FBLN2: variants seen among roughly 807,000 people sequenced by gnomAD.
FBLN2 encodes the protein fibulin-2.
Under a neutral mutation model 123.7 loss-of-function variants are expected in FBLN2, and 81 were observed. The observed-to-expected ratio is 0.65, with a 90% CI of 0.55 to 0.79. FBLN2 has a LOEUF of 0.79. Among genes scored for constraint, FBLN2 ranks in the 30% least tolerant of loss-of-function variants. The pLI, the probability that FBLN2 is intolerant of heterozygous loss-of-function variation, is 0.00. For missense variants in FBLN2, 1,603 were observed against 1,681.3 expected (o/e 0.95, Z 0.81); for synonymous variants, 699 against 701.4 (o/e 1.00, Z 0.05).
At chr3:13,631,731 G>A (rs1427275967) in intron 16 of FBLN2, among the ~76,000 whole-genome samples, 1 of 152,196 alleles carries the variant, frequency 6.6e-6, no homozygotes. Flanking sequence ...AGATACTATG[G>A]GGTGTTTCTA....
intron 1 of FBLN2, chr3:13,569,081 G>A: frequency 1.0e-6 from 1 of 984,988 alleles, no homozygotes; most frequent in Non-Finnish European, 1.2e-6. Context: ...TAAGAGTCAG[G>A]TACGGCCACT....
intron 2 of FBLN2, among the ~76,000 whole-genome samples, chr3:13,589,234 T>C (rs1275748173): frequency 6.6e-6 from 1 of 152,094 alleles, no homozygotes; most frequent in African/African-American, 2.4e-5. Context: ...AAATAACCCA[T>C]GAAAATGCGG....
intron 2 of FBLN2, among the ~76,000 whole-genome samples, chr3:13,587,735 A>C (rs1320968570): frequency 6.6e-6 from 1 of 152,220 alleles, no homozygotes; most frequent in East Asian, 1.9e-4. Flanking sequence ...CTGCATGATA[A>C]AACTACACCA....
chr3:13,601,236 C>G (rs936522762), intron 2 of FBLN2, among the ~76,000 whole-genome samples: 20 of 152,232 alleles, frequency 1.3e-4, no homozygotes, highest in African/African-American at 4.1e-4. Context: ...GGACCATAAT[C>G]TCTGTAAGGC....
rs768771749 is a variant in FBLN2 at position 13,618,909 on chromosome 3, C to T, written c.1945C>T (p.His649Tyr). ...CTCTGCTCTACCCATGACAGAGGGT[C>T]ACCCTCCACAGCCGGAAGCCCCACA... ...DDGRTCRPEG[H>Y]PPQPEAPQEP... The change falls in exon 7 of 18, where the codon CAC becomes TAC. Residue 649 changes from histidine (H) to tyrosine (Y), a missense_variant. Transcript: ENST00000404922. The T allele has an allele frequency of 5.0e-6, 8 of 1,611,934 alleles. No homozygotes were observed. Among genetic ancestry groups the T allele is most frequent in the South Asian group, 1.1e-5 (1 of 90,538 alleles).
chr3:13,638,331 A>G lies in FBLN2; in HGVS notation c.*412A>G. On this transcript the variant is annotated 3_prime_UTR_variant, in exon 18 of 18. Transcript: ENST00000404922. ...TCATTTTAAAGTTTTTTGTTTAACT[A>G]TAAAGTAGTACATGTACATTATATA... 1 of 405,664 alleles carries G rather than the reference A, an allele frequency of 2.5e-6. No homozygotes were observed. The allele number at this position is 405,664 out of a possible 1,614,324, so 25.1% of individuals were successfully genotyped here.
At chr3:13,621,647 G>T in intron 8 of FBLN2, 128 bp from the exon 9 acceptor site, 1 of 947,578 alleles carries the variant, frequency 1.1e-6, no homozygotes, top group Non-Finnish European at 1.6e-6. Flanking sequence ...GCTACACACA[G>T]TCAGGCGGGG....
chr3:13,549,902 C>T (rs1452649452), intron 1 of FBLN2, among the ~76,000 whole-genome samples: 1 of 152,192 alleles, frequency 6.6e-6, no homozygotes, highest in African/African-American at 2.4e-5. Context: ...GGCACCCCTC[C>T]GAGGCATGCC....
At chr3:13,611,107 A>G (rs1483697786) in intron 4 of FBLN2, among the ~76,000 whole-genome samples, 1 of 151,826 alleles carries the variant, frequency 6.6e-6, no homozygotes. Flanking sequence ...ATACGCCACC[A>G]TGCTTGGTTT....
At chr3:13,602,910 C>CTTTT (rs199820446) in intron 2 of FBLN2, among the ~76,000 whole-genome samples, 6 of 148,130 alleles carry the variant, frequency 4.1e-5, no homozygotes, top group African/African-American at 5.0e-5. Flanking sequence ...TTCTTTCTTT[C>CTTTT]TTTCTTTTTT....
At chr3:13,561,822 A>G (rs1225422286) in intron 1 of FBLN2, among the ~76,000 whole-genome samples, 1 of 152,196 alleles carries the variant, frequency 6.6e-6, no homozygotes, top group Non-Finnish European at 1.5e-5. Context: ...ATAGCTGCAA[A>G]CTAAAGGACT....
intron 14 of FBLN2, 43 bp from the exon 15 acceptor site, chr3:13,630,656 C>A: frequency 1.3e-6 from 2 of 1,501,908 alleles, no homozygotes; most frequent in Non-Finnish European, 1.8e-6. Context: ...CTCTCCAAGG[C>A]AGACTTGGGC....
At chr3:13,580,093 C>A (rs1172387797) in intron 2 of FBLN2, among the ~76,000 whole-genome samples, 1 of 152,176 alleles carries the variant, frequency 6.6e-6, no homozygotes, top group Non-Finnish European at 1.5e-5. Context: ...TGTTCCGTTG[C>A]AGGGATCGAC....
At chr3:13,559,497 T>C (rs1703551505) in intron 1 of FBLN2, among the ~76,000 whole-genome samples, 1 of 152,230 alleles carries the variant, frequency 6.6e-6, no homozygotes, top group East Asian at 1.9e-4. Flanking sequence ...GTGTTTTACC[T>C]GAGGTGGGTC....
chr3:13,586,966 A>C (rs1416106811), intron 2 of FBLN2, among the ~76,000 whole-genome samples: 4 of 151,552 alleles, frequency 2.6e-5, no homozygotes, highest in Non-Finnish European at 5.9e-5. Context: ...CCCACATGGT[A>C]AAACCCCATC....
intron 1 of FBLN2, among the ~76,000 whole-genome samples, chr3:13,569,715 C>T (rs560022444): frequency 9.2e-5 from 14 of 151,948 alleles, no homozygotes; most frequent in Admixed American, 7.2e-4. Flanking sequence ...CTGTAGGGGG[C>T]GTCTTGTTCT....
chr3:13,607,102 C>T (rs184721870), intron 2 of FBLN2, among the ~76,000 whole-genome samples: 30 of 152,312 alleles, frequency 2.0e-4, no homozygotes, highest in Admixed American at 1.8e-3. Context: ...ATTCTCCTGC[C>T]TCAGCCTCCT....
In FBLN2 at chr3:13,570,721, C is replaced by T. The variant is rs919424022; in HGVS notation, c.366C>T (p.Ile122=). The stretch of plus-strand genomic sequence containing the variant: ...GCCCGGAGCTGCCGCCCAACTGCAT[C>T]GAGGCTGTAGTGGTGGCTGACAGCT... ...MLCPELPPNC[I]EAVVVADSCP... Residue 122 remains isoleucine, a synonymous_variant, in exon 2 of 18, where the codon ATC becomes ATT. Coordinates refer to ENST00000404922, the MANE Select transcript of FBLN2 (RefSeq NM_001004019.2). 7.5e-6 allele frequency: 12 copies of T among 1,599,720 alleles called. No homozygotes were observed. The highest frequency in any genetic ancestry group is 1.0e-5 in the Non-Finnish European group (12 of 1,173,376).
intron 1 of FBLN2, among the ~76,000 whole-genome samples, chr3:13,551,638 C>T (rs1181271202): frequency 1.3e-5 from 2 of 152,136 alleles, no homozygotes; most frequent in Non-Finnish European, 2.9e-5. Context: ...GTGCCCTGAG[C>T]CCATCCACAC....
Sources: gnomAD v4.1 joint callset for allele counts (sites outside exome capture counted in the v4.1 genomes callset) on GRCh38, gnomAD v4.1.1 for gene constraint, MANE v1.5 for transcripts, NCBI Gene and HGNC (gene_info 2026-07-23, HGNC 2026-07-21) for gene names.